Variants in PPP1R3F observed in about 807,000 individuals in gnomAD.
PPP1R3F encodes protein phosphatase 1, regulatory (inhibitor) subunit 3F.
A neutral mutation model predicts 24.2 loss-of-function variants in PPP1R3F; 29 were observed. The ratio of observed to expected loss-of-function variants is 1.20; its 90% confidence interval spans 0.89 to 1.63. PPP1R3F has a LOEUF of 1.63. PPP1R3F is among the 40% of genes most tolerant of loss of function. The pLI is 0.00. For missense variants in PPP1R3F, 823 were observed against 729.3 expected (o/e 1.13, Z -1.48); for synonymous variants, 363 against 340.1 (o/e 1.07, Z -0.74).
At position 49,294,080 on chromosome X, in the gene PPP1R3F, T is replaced by A. The variant is rs1164587694; in HGVS notation, c.393-7271T>A. Reference sequence around the variant, plus strand: ...ATTGATACCATTTAAAAAATTTATTTAAAAAATTGTCACAGTAGAATTTAC... The same window carrying A: ...ATTGATACCATTTAAAAAATTTATTAAAAAAATTGTCACAGTAGAATTTAC... On this transcript the variant is annotated intron_variant, in intron 3 of 3. Coordinates refer to the PPP1R3F transcript ENST00000471261. Among the ~76,000 whole-genome samples the A allele has an allele frequency of 6.3e-5, 7 of 111,638 alleles. No individual in the cohort carries two copies. In the East Asian group the frequency reaches 1.7e-3, roughly 27 times the overall value.
At position 49,270,105 on chromosome X, in the gene PPP1R3F, C is replaced by CCGACGAGGA. The variant is rs782727871; in HGVS notation, c.243_251dup (p.Glu81_Asp83dup). 4 of 1,020,380 alleles carry CCGACGAGGA rather than the reference C, an allele frequency of 3.9e-6. No individual in the cohort carries two copies. The highest frequency in any genetic ancestry group is 3.7e-6 in the Non-Finnish European group (3 of 804,808). The allele number at this position is 1,020,380 out of a possible 1,213,427, so 84.1% of individuals were successfully genotyped here. A position where few individuals can be genotyped will look rare whatever the true frequency, so the allele number is the denominator to read the frequency against. Reference sequence around the variant, plus strand: ...CAAGATGGCGGCGGCGGCGGCGGGGCCGACGAGGACGACGATGGCGAGGAT... The same window carrying CCGACGAGGA: ...CAAGATGGCGGCGGCGGCGGCGGGGCCGACGAGGACGACGAGGACGACGATGGCGAGGAT... On this transcript the variant is annotated inframe_insertion, in exon 1 of 4. Transcript: ENST00000055335.
At chrX:49,285,708 A>G (rs782349583) in intron 3 of PPP1R3F, 126 bp from the exon 4 acceptor site, 9 of 692,232 alleles carry the variant, frequency 1.3e-5, no homozygotes, top group African/African-American at 8.8e-5. Flanking sequence ...AGGCATTTTT[A>G]TATAGAAACC....
rs868975600 is a variant in PPP1R3F, at chrX:49,287,701, C to T, written c.*611C>T. On this transcript the variant is annotated 3_prime_UTR_variant, in exon 4 of 4. Coordinates refer to ENST00000055335, the MANE Select transcript of PPP1R3F (RefSeq NM_033215.5). Reference sequence around the variant, plus strand: ...TAATCCATATGGTTCTTTGTCTTTTCCACATTCTGCCTGTGGGACCCTACA... The same window carrying T: ...TAATCCATATGGTTCTTTGTCTTTTTCACATTCTGCCTGTGGGACCCTACA... 9.0e-6 allele frequency: 1 copy of T among 111,147 alleles called. No individual in the cohort carries two copies. 9.2% of individuals were successfully genotyped at this position (111,147 alleles called of 1,213,427 possible). A position where few individuals can be genotyped will look rare whatever the true frequency, so the allele number is the denominator to read the frequency against.
intron 1 of PPP1R3F, among the ~76,000 whole-genome samples, chrX:49,272,428 C>T (rs782805154): frequency 8.9e-6 from 1 of 112,768 alleles, no homozygotes; most frequent in South Asian, 3.6e-4. Flanking sequence ...GGACCCTCAC[C>T]TGTAAAACAG....
chrX:49,278,586 A>G (rs996726620), intron 1 of PPP1R3F, among the ~76,000 whole-genome samples: 1 of 111,968 alleles, frequency 8.9e-6, no homozygotes, highest in Non-Finnish European at 1.9e-5. Context: ...TTCTGATTCA[A>G]GTACCTCTGG....
chrX:49,297,834 T>C (rs2066327814), intron 3 of PPP1R3F, among the ~76,000 whole-genome samples: 1 of 88,072 alleles, frequency 1.1e-5, no homozygotes, highest in Admixed American at 1.3e-4. Context: ...CCTGCTTTTT[T>C]TTTTTTTTTT....
rs782591947 is a variant in PPP1R3F at position 49,280,549 on chromosome X, C to CTTTTTTTTTTTTTT, written c.1005-844_1005-843insTTTTTTTTTTTTTT. Among the ~76,000 whole-genome samples, 176 of 79,560 alleles carry CTTTTTTTTTTTTTT rather than the reference C, an allele frequency of 2.2e-3. 7 individuals are homozygous for CTTTTTTTTTTTTTT. Among genetic ancestry groups the CTTTTTTTTTTTTTT allele is most frequent in the African/African-American group, 5.5e-3 (132 of 24,070 alleles). The allele number at this position is 79,560 out of a possible 115,157, so 69.1% of individuals were successfully genotyped here. On this transcript the variant is annotated intron_variant, in intron 1 of 3. Transcript: ENST00000055335. ...CAGATGTGAGCCACCGCGTCTGGCC[C>CTTTTTTTTTTTTTT]TTTTTTTTTTTTTGAGACTGAGTTT... is the stretch of plus-strand genomic sequence containing the variant.
chrX:49,271,597 C>T (rs1557119334), intron 1 of PPP1R3F, among the ~76,000 whole-genome samples: 2 of 112,410 alleles, frequency 1.8e-5, no homozygotes, highest in African/African-American at 3.2e-5. Flanking sequence ...TCTGACAGAG[C>T]AGGAAACCAG....
rs1557118833 is a variant in PPP1R3F at position 49,270,428 on chromosome X, G to A, written c.559G>A (p.Gly187Ser). The A allele has an allele frequency of 8.4e-7, 1 of 1,191,742 alleles. No homozygotes were observed. The highest frequency in any genetic ancestry group is 1.1e-6 in the Non-Finnish European group (1 of 890,694). Residue 187 changes from glycine (G) to serine (S), a missense_variant, in exon 1 of 4, where the codon GGC (glycine) becomes AGC (serine). Gly to Ser is a moderately conservative substitution (Grantham distance 56). Coordinates refer to ENST00000055335, the MANE Select transcript of PPP1R3F (RefSeq NM_033215.5). The stretch of plus-strand genomic sequence containing the variant: ...GGTGCACGTGCGGGCCTCACACGAC[G>A]GCTGGGCTTCCTTTTGCGACCACCC... ...KAVHVRASHD[G>S]WASFCDHPAR...
chrX:49,295,522 G>A (rs1281834854), intron 3 of PPP1R3F, among the ~76,000 whole-genome samples: 1 of 108,056 alleles, frequency 9.3e-6, no homozygotes, highest in Admixed American at 1.0e-4. Context: ...TCTTATTTTT[G>A]TATATTGGAT....
At chrX:49,281,845 G>T in intron 2 of PPP1R3F, 136 bp from the exon 3 acceptor site, 1 of 470,926 alleles carries the variant, frequency 2.1e-6, no homozygotes, top group East Asian at 3.7e-5. Context: ...AAATGAAGGG[G>T]TACCCTCTGC....
At chrX:49,272,611 C>T (rs1273449732) in intron 1 of PPP1R3F, among the ~76,000 whole-genome samples, 3 of 112,956 alleles carry the variant, frequency 2.7e-5, no homozygotes, top group African/African-American at 9.7e-5. Context: ...GCCTTGCCTC[C>T]GTTTCCTTCT....
downstream of PPP1R3F, among the ~76,000 whole-genome samples, chrX:49,288,524 G>C (rs1313626401): frequency 1.8e-5 from 2 of 112,024 alleles, no homozygotes; most frequent in African/African-American, 6.5e-5. Context: ...TTATGTAGAA[G>C]TGCCAAGACT....
downstream of PPP1R3F, among the ~76,000 whole-genome samples, chrX:49,292,006 T>C (rs1295360396): frequency 1.3e-5 from 1 of 78,745 alleles, no homozygotes; most frequent in Non-Finnish European, 3.2e-5. Flanking sequence ...GGTGAGGTCT[T>C]GGTGTCTCCA....
intron 3 of PPP1R3F, among the ~76,000 whole-genome samples, chrX:49,299,763 C>T (rs1209324966): frequency 2.7e-5 from 3 of 111,742 alleles, no homozygotes; most frequent in Non-Finnish European, 3.8e-5. Flanking sequence ...GCCAAGCGGC[C>T]GTGGGCTCTG....
chrX:49,293,693 T>G (rs2066315273), intron 3 of PPP1R3F, among the ~76,000 whole-genome samples: 1 of 112,124 alleles, frequency 8.9e-6, no homozygotes, highest in South Asian at 3.7e-4. Context: ...TTAAAACAGT[T>G]TTACAGAAAA....
intron 3 of PPP1R3F, among the ~76,000 whole-genome samples, chrX:49,297,338 C>T (rs1291304914): frequency 2.7e-5 from 3 of 109,213 alleles, no homozygotes; most frequent in African/African-American, 6.6e-5. Flanking sequence ...CTCAGCCTCC[C>T]GAGTAGCTGG....
In PPP1R3F at chrX:49,285,889, G is replaced by A. The variant is rs2066278509; in HGVS notation, c.1199G>A (p.Ser400Asn). The change falls in exon 4 of 4, where the codon AGC (serine) becomes AAC (asparagine). Residue 400 changes from serine to asparagine, a missense_variant. Transcript: ENST00000055335. ...NPAEEGDVPR[S>N]SPPVAFTEVL... is the part of the protein sequence containing the mutation. The stretch of plus-strand genomic sequence containing the variant: ...GCAGAAGAAGGTGATGTCCCCAGAA[G>A]CAGTCCACCTGTGGCTTTTACAGAG... The A allele has an allele frequency of 8.3e-7, 1 of 1,197,706 alleles. No homozygotes were observed. The highest frequency in any genetic ancestry group is 2.3e-4 in the Middle Eastern group (1 of 4,267).
intron 1 of PPP1R3F, among the ~76,000 whole-genome samples, chrX:49,276,969 C>T (rs991497649): frequency 5.3e-5 from 6 of 112,490 alleles, no homozygotes; most frequent in Admixed American, 3.7e-4. Context: ...ACATGGGAGC[C>T]GGGGTCTGCT....
Sources: allele counts gnomAD v4.1 joint callset (sites outside exome capture counted in the v4.1 genomes callset), GRCh38; gene constraint gnomAD v4.1.1; transcripts MANE v1.5; gene names NCBI Gene and HGNC (gene_info 2026-07-23, HGNC 2026-07-21).